KCNG3: variants seen among roughly 807,000 people sequenced by gnomAD.
KCNG3 encodes the protein voltage-gated potassium channel regulatory subunit KCNG3.
In KCNG3, 15 loss-of-function variants were observed where a neutral mutation model predicts 29.0. That is an observed-to-expected ratio of 0.52 (90% CI 0.35 to 0.80). The LOEUF (loss-of-function observed/expected upper bound fraction) is 0.80, where lower values mean the gene tolerates loss of function less well. KCNG3 is among the 30% of genes least tolerant of loss of function. KCNG3 has a pLI of 0.01. For missense variants in KCNG3, 512 were observed against 605.7 expected (o/e 0.85, Z 1.62); for synonymous variants, 322 against 248.9 (o/e 1.29, Z -2.76).
chr2:42,414,574 T>C, the KCNG3 span, among the ~76,000 whole-genome samples: 1 of 151,978 alleles, frequency 6.6e-6, no homozygotes, highest in Non-Finnish European at 1.5e-5. Flanking sequence ...TTTATATTTG[T>C]GCAGTCTGTC....
At chr2:42,455,326 T>C (rs1672852896) in intron 1 of KCNG3, among the ~76,000 whole-genome samples, 1 of 152,202 alleles carries the variant, frequency 6.6e-6, no homozygotes, top group South Asian at 2.1e-4. Flanking sequence ...ACAAAAACAG[T>C]ACTGACTTTG....
intron 1 of KCNG3, among the ~76,000 whole-genome samples, chr2:42,475,054 C>T (rs1673388885): frequency 6.6e-6 from 1 of 152,150 alleles, no homozygotes; most frequent in Non-Finnish European, 1.5e-5. Flanking sequence ...ATTTGCTGAA[C>T]AAACTTCTAT....
chr2:42,481,107 G>A lies in KCNG3; in HGVS notation c.665+11730C>T, dbSNP rs115786561. ...AAATCCATTCTTACTTAGTTCAGGG[G>A]CTACACAAAAACCAGGCAGTGGGCC... On this transcript the variant is annotated intron_variant, in intron 1 of 1. Coordinates refer to ENST00000306078, the MANE Select transcript of KCNG3 (RefSeq NM_133329.6). 7.8e-3 allele frequency among the ~76,000 whole-genome samples: 1,194 copies of A among 152,198 alleles called. 4 individuals are homozygous for A. The highest frequency in any genetic ancestry group is 0.013 in the Non-Finnish European group (881 of 68,008).
the KCNG3 span, among the ~76,000 whole-genome samples, chr2:42,394,713 A>G: frequency 6.6e-6 from 1 of 152,192 alleles, no homozygotes; most frequent in African/African-American, 2.4e-5. Flanking sequence ...CTGAACCAAC[A>G]TTCATCTTAC....
chr2:42,472,046 C>T (rs1673303093), intron 1 of KCNG3, among the ~76,000 whole-genome samples: 1 of 152,144 alleles, frequency 6.6e-6, no homozygotes, highest in African/African-American at 2.4e-5. Flanking sequence ...ATCAGTAGAA[C>T]TACTCTGGAG....
At chr2:42,471,124 C>T (rs1477895273) in intron 1 of KCNG3, among the ~76,000 whole-genome samples, 1 of 150,168 alleles carries the variant, frequency 6.7e-6, no homozygotes, top group Non-Finnish European at 1.5e-5. Context: ...TGAACTCCAG[C>T]CTGGGCAACA....
intron 1 of KCNG3, among the ~76,000 whole-genome samples, chr2:42,482,887 G>A (rs527464684): frequency 6.6e-6 from 1 of 152,156 alleles, no homozygotes; most frequent in Non-Finnish European, 1.5e-5. Flanking sequence ...TTGGGAGACC[G>A]AGATACATGG....
At chr2:42,448,055 T>C (rs1310325589) in intron 1 of KCNG3, among the ~76,000 whole-genome samples, 1 of 152,206 alleles carries the variant, frequency 6.6e-6, no homozygotes, top group African/African-American at 2.4e-5. Context: ...TTGTTGAACT[T>C]GGAGGTCTCT....
At chr2:42,437,939 C>CAAAAA (rs58250880), downstream of KCNG3, among the ~76,000 whole-genome samples, 2 of 74,848 alleles carry the variant, frequency 2.7e-5, no homozygotes, top group African/African-American at 4.8e-5. Context: ...ACTCTGTCTC[C>CAAAAA]AAAAAAAAAA....
At chr2:42,393,238 A>G in the KCNG3 span, among the ~76,000 whole-genome samples, 1 of 151,634 alleles carries the variant, frequency 6.6e-6, no homozygotes, top group African/African-American at 2.4e-5. Context: ...AAAAAAAAAC[A>G]AAGAATTTTA....
At chr2:42,459,394 CT>C in intron 1 of KCNG3, among the ~76,000 whole-genome samples, 1 of 152,272 alleles carries the variant, frequency 6.6e-6, no homozygotes, top group South Asian at 2.1e-4. Context: ...CTTTCTCACC[CT>C]CCCTGCCTGG....
chr2:42,447,668 C>A lies in KCNG3; in HGVS notation c.666-3089G>T, dbSNP rs1388827078. On this transcript the variant is annotated intron_variant, in intron 1 of 1. Coordinates refer to ENST00000306078, the MANE Select transcript of KCNG3 (RefSeq NM_133329.6). ...GTAGCTGGGACTAAGGCACGTACCA[C>A]CACACTTGGTTAATTTTTTTTCTTT... 2.6e-5 allele frequency among the ~76,000 whole-genome samples: 4 copies of A among 152,140 alleles called. No homozygotes were observed. The South Asian group carries it at 6.2e-4, about 24-fold the overall frequency.
chr2:42,430,146 C>G, the KCNG3 span, among the ~76,000 whole-genome samples: 2 of 152,078 alleles, frequency 1.3e-5, no homozygotes, highest in Admixed American at 6.6e-5. Flanking sequence ...GCAGGCAGAT[C>G]ACTTGAGCTC....
chr2:42,492,742 C>G, intron 1 of KCNG3, 95 bp downstream of exon 1: 1 of 1,208,004 alleles, frequency 8.3e-7, no homozygotes, highest in Non-Finnish European at 1.1e-6. Flanking sequence ...CTGGCTCGGT[C>G]GCCCGGAGGC....
At chr2:42,463,133 C>A in intron 1 of KCNG3, 1 of 333,412 alleles carries the variant, frequency 3.0e-6, no homozygotes, top group South Asian at 3.2e-5. Flanking sequence ...GTACAGTATT[C>A]ATTTGTGCTT....
chr2:42,472,783 A>ACGATATATCTATAGATCTATACATATAT (rs1553330039), intron 1 of KCNG3, among the ~76,000 whole-genome samples: 2 of 151,344 alleles, frequency 1.3e-5, no homozygotes, highest in Non-Finnish European at 2.9e-5. Flanking sequence ...TACAGGCTCA[A>ACGATATATCTATAGATCTATACATATAT]CGATATATCT....
the KCNG3 span, among the ~76,000 whole-genome samples, chr2:42,422,633 G>A: frequency 2.0e-5 from 3 of 151,984 alleles, no homozygotes; most frequent in Admixed American, 2.0e-4. Flanking sequence ...GATAACTTCT[G>A]GTATACCTAA....
In KCNG3 at chr2:42,466,603, C is replaced by G. The variant is rs1673146221; in HGVS notation, c.666-22024G>C. ...TTGTGTGAGGACTCTCTATGACGTT[C>G]ACAGAGCAAAGAAATCTCCCAAGCA... is the stretch of plus-strand genomic sequence containing the variant. On this transcript the variant is annotated intron_variant, in intron 1 of 1. Coordinates refer to ENST00000306078, the MANE Select transcript of KCNG3 (RefSeq NM_133329.6). Among the ~76,000 whole-genome samples, 8 of 152,146 alleles carry G rather than the reference C, an allele frequency of 5.3e-5. No individual in the cohort carries two copies. In the South Asian group the frequency reaches 1.7e-3, roughly 32 times the overall value.
chr2:42,450,000 C>T (rs561541748), intron 1 of KCNG3, among the ~76,000 whole-genome samples: 118 of 152,270 alleles, frequency 7.7e-4, no homozygotes, highest in Middle Eastern at 3.4e-3. Flanking sequence ...GAAGGACAAG[C>T]CTCACCATCA....
Sources: gnomAD v4.1 joint callset for allele counts (sites outside exome capture counted in the v4.1 genomes callset) on GRCh38, gnomAD v4.1.1 for gene constraint, MANE v1.5 for transcripts, NCBI Gene and HGNC (gene_info 2026-07-23, HGNC 2026-07-21) for gene names.